GALNTL6: variants seen among roughly 807,000 people sequenced by gnomAD.
GALNTL6 encodes the protein polypeptide N-acetylgalactosaminyltransferase-like 6.
Under a neutral mutation model 73.7 loss-of-function variants are expected in GALNTL6, and 46 were observed. The observed-to-expected ratio is 0.62, with a 90% CI of 0.49 to 0.80. The LOEUF is 0.80. Among genes scored for constraint, GALNTL6 ranks in the 30% least tolerant of loss-of-function variants. The pLI is 0.00. For missense variants in GALNTL6, 604 were observed against 755.0 expected, an observed-to-expected ratio of 0.80 and a Z score of 2.34; for synonymous variants, 259 against 263.7, an observed-to-expected ratio of 0.98 and a Z score of 0.17.
chr4:172,523,229 C>T (rs545602838), intron 5 of GALNTL6, among the ~76,000 whole-genome samples: 1 of 152,310 alleles, frequency 6.6e-6, no homozygotes, highest in Admixed American at 6.5e-5. Context: ...TTCTACTGTT[C>T]AGTAACATCC....
intron 12 of GALNTL6, among the ~76,000 whole-genome samples, chr4:173,022,562 T>G (rs889942802): frequency 1.3e-5 from 2 of 152,222 alleles, no homozygotes; most frequent in Admixed American, 1.3e-4. Context: ...CAGGCTCACT[T>G]GCTTGGGACC....
chr4:171,993,845 C>T (rs1174229781), intron 2 of GALNTL6, among the ~76,000 whole-genome samples: 3 of 151,482 alleles, frequency 2.0e-5, no homozygotes, highest in Non-Finnish European at 4.4e-5. Flanking sequence ...ATTACACACA[C>T]ATGTGGAGTA....
chr4:172,751,410 T>C (rs945261389), intron 5 of GALNTL6, among the ~76,000 whole-genome samples: 6 of 152,228 alleles, frequency 3.9e-5, no homozygotes, highest in African/African-American at 1.4e-4. Flanking sequence ...CAGCACATCT[T>C]AATAGGACAA....
chr4:172,574,321 G>T (rs146836294), intron 5 of GALNTL6, among the ~76,000 whole-genome samples: 6 of 152,054 alleles, frequency 3.9e-5, no homozygotes, highest in African/African-American at 1.4e-4. Flanking sequence ...GATTAGTAGG[G>T]AATCTGTGAT....
chr4:172,465,526 C>G (rs1365113247), intron 5 of GALNTL6, among the ~76,000 whole-genome samples: 1 of 151,418 alleles, frequency 6.6e-6, no homozygotes, highest in Non-Finnish European at 1.5e-5. Flanking sequence ...CTTGGTATTT[C>G]ATTAATTGTG....
At chr4:172,826,154 G>T (rs1360624284) in intron 7 of GALNTL6, among the ~76,000 whole-genome samples, 8 of 152,060 alleles carry the variant, frequency 5.3e-5, no homozygotes, top group Non-Finnish European at 1.0e-4. Context: ...GAGTGCAAAT[G>T]AAGGCTCAGG....
intron 2 of GALNTL6, among the ~76,000 whole-genome samples, chr4:171,943,318 G>A (rs140106754): frequency 6.6e-5 from 10 of 152,190 alleles, no homozygotes; most frequent in African/African-American, 1.9e-4. Flanking sequence ...CTCTCTCATC[G>A]GTAGCCTTCC....
intron 5 of GALNTL6, among the ~76,000 whole-genome samples, chr4:172,538,686 G>A (rs1024878561): frequency 1.3e-5 from 2 of 152,096 alleles, no homozygotes; most frequent in African/African-American, 4.8e-5. Flanking sequence ...ACTTCAAATA[G>A]ATGAGAGTAA....
At chr4:171,997,351 G>A (rs1560877667) in intron 2 of GALNTL6, among the ~76,000 whole-genome samples, 1 of 151,976 alleles carries the variant, frequency 6.6e-6, no homozygotes, top group Non-Finnish European at 1.5e-5. Flanking sequence ...ACTTTATGAA[G>A]AGAAGCACCC....
chr4:172,884,385 T>G (rs1206200653), intron 8 of GALNTL6, among the ~76,000 whole-genome samples: 3 of 152,224 alleles, frequency 2.0e-5, no homozygotes, highest in African/African-American at 7.2e-5. Flanking sequence ...TGTTCAACAT[T>G]TTTCATATAC....
At chr4:172,347,228 G>A (rs1447590125) in intron 4 of GALNTL6, among the ~76,000 whole-genome samples, 1 of 152,012 alleles carries the variant, frequency 6.6e-6, no homozygotes, top group Non-Finnish European at 1.5e-5. Flanking sequence ...GGACTCAAGT[G>A]ATCCTCCCAC....
intron 2 of GALNTL6, among the ~76,000 whole-genome samples, chr4:171,941,191 A>G (rs913842412): frequency 6.6e-6 from 1 of 152,226 alleles, no homozygotes; most frequent in Non-Finnish European, 1.5e-5. Flanking sequence ...TGGAACCTGT[A>G]GCAAGCTCTC....
At chr4:172,717,916 T>A (rs1735208864) in intron 5 of GALNTL6, among the ~76,000 whole-genome samples, 1 of 152,240 alleles carries the variant, frequency 6.6e-6, no homozygotes, top group Non-Finnish European at 1.5e-5. Flanking sequence ...TATGTATGTG[T>A]ATAAATGTTC....
chr4:172,841,820 G>A (rs555895831), intron 7 of GALNTL6, among the ~76,000 whole-genome samples: 87 of 152,256 alleles, frequency 5.7e-4, no homozygotes, highest in African/African-American at 2.0e-3. Context: ...AAGCCTGATC[G>A]TATCAACCCC....
chr4:172,158,102 T>C (rs1388046720), intron 2 of GALNTL6, among the ~76,000 whole-genome samples: 1 of 152,198 alleles, frequency 6.6e-6, no homozygotes, highest in Non-Finnish European at 1.5e-5. Flanking sequence ...GTTGGCCAGA[T>C]TTGATTCACC....
intron 5 of GALNTL6, among the ~76,000 whole-genome samples, chr4:172,785,468 G>T (rs148017747): frequency 6.6e-6 from 1 of 152,158 alleles, no homozygotes; most frequent in East Asian, 1.9e-4. Flanking sequence ...GCTAATTAGG[G>T]ATGGTACACA....
intron 5 of GALNTL6, among the ~76,000 whole-genome samples, chr4:172,730,877 G>A (rs576395990): frequency 8.4e-4 from 128 of 152,160 alleles, no homozygotes; most frequent in African/African-American, 2.9e-3. Context: ...TCAGGAGATC[G>A]AGACCATCCT....
At position 172,967,927 on chromosome 4, in the gene GALNTL6, T is replaced by C. The variant is rs536675316; in HGVS notation, c.1371+15669T>C. ...TCAAGTACTTCCCTGTTGAAAATGATGGAATGATGCCAGAAATAGAAAAGC... is the reference window on the plus strand; with the variant it reads ...TCAAGTACTTCCCTGTTGAAAATGACGGAATGATGCCAGAAATAGAAAAGC... On this transcript the variant is annotated intron_variant, in intron 10 of 12. Transcript: ENST00000506823. Among the ~76,000 whole-genome samples, 5 of 152,282 alleles carry C rather than the reference T, an allele frequency of 3.3e-5. No homozygotes were observed. In the South Asian group the frequency reaches 8.3e-4, roughly 25 times the overall value.
intron 5 of GALNTL6, among the ~76,000 whole-genome samples, chr4:172,361,489 A>T (rs1408382777): frequency 6.6e-6 from 1 of 152,166 alleles, no homozygotes; most frequent in Non-Finnish European, 1.5e-5. Flanking sequence ...ACAGTATTTC[A>T]CATTAATGCT....
Sources: allele counts gnomAD v4.1 joint callset (sites outside exome capture counted in the v4.1 genomes callset), GRCh38; gene constraint gnomAD v4.1.1; transcripts MANE v1.5; gene names NCBI Gene and HGNC (gene_info 2026-07-23, HGNC 2026-07-21).